The following UTRN variants were observed in gnomAD, a reference collection of about 807,000 sequenced individuals.
UTRN encodes the protein dystrophin-related protein 1.
Under a neutral mutation model 463.9 loss-of-function variants are expected in UTRN, and 283 were observed. The ratio of observed to expected loss-of-function variants is 0.61; its 90% CI spans 0.55 to 0.67. The LOEUF (loss-of-function observed/expected upper bound fraction) is 0.67, where lower values mean the gene tolerates loss of function less well. UTRN is among the 30% of genes least tolerant of loss of function. The probability of loss-of-function intolerance (pLI) is 0.00; values close to 1 mark genes in which losing one functional copy is unlikely to be tolerated. For missense variants in UTRN, 3,922 were observed against 4,084.3 expected, an observed-to-expected ratio of 0.96 and a Z score of 1.08; for synonymous variants, 1,442 against 1,431.5, an observed-to-expected ratio of 1.01 and a Z score of -0.17.
rs1787841032 is a variant in UTRN at position 144,447,771 on chromosome 6, C to T, written c.1892C>T (p.Ser631Phe). 1 of 1,609,070 alleles carries T rather than the reference C, an allele frequency of 6.2e-7. No individual in the cohort carries two copies. The highest frequency in any genetic ancestry group is 8.5e-7 in the Non-Finnish European group (1 of 1,177,420). The change falls in exon 16 of 75, where the codon TCC becomes TTC. Residue 631 changes from serine to phenylalanine, a missense_variant. This residue lies in a region of UTRN where 2,349 missense variants were observed against 2,303.8 expected (regional missense o/e 1.02). Coordinates refer to ENST00000367545, the MANE Select transcript of UTRN (RefSeq NM_007124.3). ...TCTTTGGTTCAGAGACTAGAAGATT[C>T]CTCCAACCAGGTACTTTTTGATTTG... The part of the protein sequence containing the change: ...WDSLVQRLED[S>F]SNQVTQAVAK...
In UTRN at chr6:144,820,933, T is replaced by C. The variant is rs750597695; in HGVS notation, c.9409T>C (p.Phe3137Leu). ...RDFTKVLKNKFRSKKYFAKHP... is the reference protein window; with the variant it reads ...RDFTKVLKNKLRSKKYFAKHP... ...CTTCACAAAGGTACTTAAGAACAAG[T>C]TCAGGTCGAAGAAGTACTTTGCCAA... Residue 3137 changes from phenylalanine (F) to leucine (L), a missense_variant, in exon 66 of 75, where the codon TTC becomes CTC. Phe to Leu is a conservative substitution (Grantham distance 22). Transcript: ENST00000367545. 1 of 1,613,886 alleles carries C rather than the reference T, an allele frequency of 6.2e-7. No homozygotes were observed. Among genetic ancestry groups the C allele is most frequent in the Admixed American group, 1.7e-5 (1 of 60,010 alleles).
In UTRN at chr6:144,836,614, G is replaced by C. The variant is rs3737260; in HGVS notation, c.10065+73G>C. On this transcript the variant is annotated intron_variant, in intron 71 of 74. Transcript: ENST00000367545. ...ACTGCCCTGGGAGATGATGGTCCAG[G>C]TGTCAGGAGAGGCAGAGAAGTCCAC... 94,519 of 1,576,830 alleles carry C rather than the reference G, an allele frequency of 0.06. 3,540 individuals carry two copies. Among genetic ancestry groups the C allele is most frequent in the African/African-American group, 0.16 (11,896 of 73,896 alleles).
chr6:144,487,161 T>G (rs1792540705), intron 28 of UTRN, among the ~76,000 whole-genome samples: 1 of 152,134 alleles, frequency 6.6e-6, no homozygotes, highest in South Asian at 2.1e-4. Context: ...TTTTTAACTT[T>G]TTATTATTCA....
At chr6:144,747,635 A>G (rs1790905741) in intron 54 of UTRN, among the ~76,000 whole-genome samples, 1 of 152,172 alleles carries the variant, frequency 6.6e-6, no homozygotes, top group South Asian at 2.1e-4. Flanking sequence ...TCTATTACAA[A>G]CTTAGGATGG....
At chr6:144,748,574 A>C in intron 55 of UTRN, 60 bp downstream of exon 55, 1 of 1,560,840 alleles carries the variant, frequency 6.4e-7, no homozygotes, top group Non-Finnish European at 8.6e-7. Context: ...ATATAACACA[A>C]ATAAAGAGAG....
intron 52 of UTRN, among the ~76,000 whole-genome samples, chr6:144,678,907 C>G (rs1781927759): frequency 6.6e-6 from 1 of 152,040 alleles, no homozygotes. Flanking sequence ...ACAAATGTTA[C>G]TTTATTTCGT....
intron 53 of UTRN, among the ~76,000 whole-genome samples, chr6:144,712,938 G>A (rs1403663451): frequency 6.6e-6 from 1 of 152,164 alleles, no homozygotes; most frequent in Non-Finnish European, 1.5e-5. Flanking sequence ...AGTAAGGGGT[G>A]CTGCTTACCT....
intron 2 of UTRN, among the ~76,000 whole-genome samples, chr6:144,376,955 T>C: frequency 6.6e-6 from 1 of 152,322 alleles, no homozygotes; most frequent in Non-Finnish European, 1.5e-5. Context: ...GCACCCTGTT[T>C]GTCACAATAA....
chr6:144,477,533 TACACACAC>T lies in UTRN; in HGVS notation c.3337-2258_3337-2251del, dbSNP rs10651559. On this transcript the variant is annotated intron_variant, in intron 25 of 74. Transcript: ENST00000367545. ...TTCTCTCTCTCTGCCTTTCTCTTTA[TACACACAC>T]ACACACACACACACACACACGCACA... is the stretch of plus-strand genomic sequence containing the variant. Among the ~76,000 whole-genome samples, 284 of 146,842 alleles carry T rather than the reference TACACACAC, an allele frequency of 1.9e-3. 2 individuals carry two copies. The highest frequency in any genetic ancestry group is 7.0e-3 in the African/African-American group (278 of 39,980).
Position 144,437,749 on chromosome 6 carries a change from G to A in UTRN, c.1241+3G>A. The A allele has an allele frequency of 6.2e-7, 1 of 1,608,038 alleles. No individual in the cohort carries two copies. Among genetic ancestry groups the A allele is most frequent in the Non-Finnish European group, 8.5e-7 (1 of 1,177,714 alleles). On this transcript the variant is annotated splice_donor_region_variant and intron_variant, in intron 11 of 74. Transcript: ENST00000367545. Reference sequence around the variant, plus strand: ...GAGAGTATGGACAGACAGTCCCGGTGAGTGGAAAGCCAAGAAATGCACTTA... The same window carrying A: ...GAGAGTATGGACAGACAGTCCCGGTAAGTGGAAAGCCAAGAAATGCACTTA...
chr6:144,734,834 A>G (rs1789187297), intron 54 of UTRN, among the ~76,000 whole-genome samples: 1 of 152,186 alleles, frequency 6.6e-6, no homozygotes, highest in African/African-American at 2.4e-5. Flanking sequence ...TGACTCAGAG[A>G]AGTCAGATTC....
intron 25 of UTRN, among the ~76,000 whole-genome samples, chr6:144,476,209 C>T (rs1489975362): frequency 6.6e-6 from 1 of 150,942 alleles, no homozygotes; most frequent in African/African-American, 2.4e-5. Context: ...CTGCCTCAGC[C>T]TCCCAAAGCG....
At chr6:144,824,941 G>A (rs1346089198) in intron 66 of UTRN, among the ~76,000 whole-genome samples, 3 of 151,790 alleles carry the variant, frequency 2.0e-5, no homozygotes, top group East Asian at 1.9e-4. Flanking sequence ...ATGACACCAC[G>A]CACAGCTAAT....
chr6:144,502,520 T>C (rs947670343), intron 34 of UTRN, among the ~76,000 whole-genome samples: 1 of 152,198 alleles, frequency 6.6e-6, no homozygotes, highest in Non-Finnish European at 1.5e-5. Context: ...TTTGGTTTTC[T>C]GTTCCTGTGT....
intron 2 of UTRN, among the ~76,000 whole-genome samples, chr6:144,333,562 G>A (rs1776491648): frequency 6.6e-6 from 1 of 152,186 alleles, no homozygotes; most frequent in Admixed American, 6.5e-5. Context: ...TGAAAGAAAG[G>A]AAAATCTAAA....
Position 144,630,598 on chromosome 6 carries a change from G to C in UTRN, c.7480-47808G>C, listed in dbSNP as rs543899842. ...CTGATTCAGTTACCTCCCACAATAC[G>C]TGGGGATTATTACAATTCAAGGTGA... On this transcript the variant is annotated intron_variant, in intron 51 of 74. Transcript: ENST00000367545. Among the ~76,000 whole-genome samples, 9 of 152,300 alleles carry C rather than the reference G, an allele frequency of 5.9e-5. No individual in the cohort carries two copies. The East Asian group carries it at 1.7e-3, about 29-fold the overall frequency.
At position 144,487,714 on chromosome 6, in the gene UTRN, A is replaced by G. The variant is rs747098786; in HGVS notation, c.3972+17A>G. 6.3e-7 allele frequency: 1 copy of G among 1,589,578 alleles called. No individual in the cohort carries two copies. The highest frequency in any genetic ancestry group is 2.3e-5 in the East Asian group (1 of 43,874). ...AGTCACCTGGTAAGAGTTGGGACAT[A>G]CATGGGTGTTGATTAGGTATTGATG... On this transcript the variant is annotated intron_variant, in intron 29 of 74. Transcript: ENST00000367545.
At chr6:144,811,080 G>A (rs897310875) in intron 65 of UTRN, among the ~76,000 whole-genome samples, 6 of 151,796 alleles carry the variant, frequency 4.0e-5, no homozygotes, top group African/African-American at 1.5e-4. Context: ...AAAAAATATC[G>A]AATTTCTGTT....
intron 2 of UTRN, among the ~76,000 whole-genome samples, chr6:144,359,705 C>T (rs1342122049): frequency 6.7e-6 from 1 of 150,174 alleles, no homozygotes; most frequent in African/African-American, 2.4e-5. Flanking sequence ...TGGTAAAAAC[C>T]TTTGTCTACG....
Sources: gnomAD v4.1 joint callset for allele counts (sites outside exome capture counted in the v4.1 genomes callset) on GRCh38, gnomAD v4.1.1 for gene constraint, gnomAD v4.1.1 regional missense constraint, MANE v1.5 for transcripts, NCBI Gene and HGNC (gene_info 2026-07-23, HGNC 2026-07-21) for gene names.